Variants in LHX8 observed in about 807,000 individuals in gnomAD.
LHX8 encodes LIM homeobox 8.
A neutral mutation model predicts 40.3 loss-of-function variants in LHX8; 12 were observed. The observed-to-expected ratio is 0.30, with a 90% CI of 0.19 to 0.48. The LOEUF (loss-of-function observed/expected upper bound fraction) is 0.48, where lower values mean the gene tolerates loss of function less well. LHX8 is among the 20% of genes least tolerant of loss of function. The pLI is 0.99. For synonymous variants in LHX8, 179 were observed against 162.0 expected, an observed-to-expected ratio of 1.10 and a Z score of -0.80; for missense variants, 344 against 433.7, an observed-to-expected ratio of 0.79 and a Z score of 1.84.
the LHX8 span, among the ~76,000 whole-genome samples, chr1:75,185,894 A>G: frequency 2.0e-5 from 3 of 152,184 alleles, no homozygotes; most frequent in African/African-American, 7.2e-5. Flanking sequence ...ATTCCTATAC[A>G]CCAATAATAG....
chr1:75,132,883 G>A (rs986463269), upstream of LHX8: 2 of 151,994 alleles, frequency 1.3e-5, no homozygotes, highest in African/African-American at 4.8e-5. Context: ...TGTTCTGCAC[G>A]ACTCTGACTT....
At chr1:75,182,264 C>T in the LHX8 span, among the ~76,000 whole-genome samples, 2 of 152,068 alleles carry the variant, frequency 1.3e-5, no homozygotes. Context: ...ATGTCCTTTC[C>T]CCACTTTATG....
the LHX8 span, among the ~76,000 whole-genome samples, chr1:75,195,722 G>A: frequency 6.6e-6 from 1 of 151,596 alleles, no homozygotes. Flanking sequence ...AAACTCAAGG[G>A]TCAAAACATG....
chr1:75,181,231 C>T, the LHX8 span, among the ~76,000 whole-genome samples: 1 of 152,194 alleles, frequency 6.6e-6, no homozygotes, highest in Non-Finnish European at 1.5e-5. Flanking sequence ...GGGAGAACCA[C>T]TGCTCTCTTC....
chr1:75,143,134 TG>T lies in LHX8; in HGVS notation c.377del (p.Cys126SerfsTer62). 1 of 1,613,718 alleles carries T rather than the reference TG, an allele frequency of 6.2e-7. No homozygotes were observed. Among genetic ancestry groups the T allele is most frequent in the Non-Finnish European group, 8.5e-7 (1 of 1,179,686 alleles). ...LDYFRRYGTRCSRCGRHIHST... is the reference protein window; with the variant it reads ...LDYFRRYGTRXSRCGRHIHST... The stretch of plus-strand genomic sequence containing the variant: ...TTAATGTAGAAGGTATGGAACTCGC[TG>T]CTCTCGATGTGGGAGACACATCCAT... On this transcript the variant is annotated frameshift_variant, in exon 5 of 9. Transcript: ENST00000356261. LOFTEE classifies it high-confidence loss of function.
chr1:75,153,511 C>G (rs184155343), intron 7 of LHX8, among the ~76,000 whole-genome samples: 1 of 78,324 alleles, frequency 1.3e-5, no homozygotes, highest in Non-Finnish European at 2.9e-5. Context: ...CTCCTGGGCT[C>G]GAGTGATTCT....
In LHX8 at chr1:75,146,937, T is replaced by A. The variant is rs1433333020; in HGVS notation, c.685-1650T>A. On this transcript the variant is annotated intron_variant, in intron 6 of 8. Transcript: ENST00000356261. ...TTTTGTAAATTATTAATAATGACCT[T>A]ACAAAATCCCCAAATCTGTTCAACA... 3.3e-5 allele frequency among the ~76,000 whole-genome samples: 5 copies of A among 152,282 alleles called. No individual in the cohort carries two copies. The East Asian group carries it at 7.7e-4, about 23-fold the overall frequency.
chr1:75,188,563 A>T, the LHX8 span, among the ~76,000 whole-genome samples: 1 of 152,048 alleles, frequency 6.6e-6, no homozygotes, highest in African/African-American at 2.4e-5. Context: ...CCTCCCTTGG[A>T]ACTGCCTGTC....
Position 75,137,395 on chromosome 1 carries a change from C to T in LHX8, c.237+134C>T, listed in dbSNP as rs115098839. On this transcript the variant is annotated intron_variant, in intron 3 of 8. Coordinates refer to ENST00000356261, the MANE Select transcript of LHX8 (RefSeq NM_001256114.2). ...AAGGTTGTAGGCTTTTGCAGAAAAT[C>T]AGCCCAGTTTAGGGCAACTCATGCG... 4.9e-3 allele frequency: 4,394 copies of T among 898,416 alleles called. 52 individuals are homozygous for T. Among genetic ancestry groups the T allele is most frequent in the African/African-American group, 0.037 (2,226 of 60,104 alleles). 55.7% of individuals were successfully genotyped at this position (898,416 alleles called of 1,614,324 possible).
At chr1:75,137,333 G>C in intron 3 of LHX8, 72 bp downstream of exon 3, 1 of 1,462,756 alleles carries the variant, frequency 6.8e-7, no homozygotes, top group Non-Finnish European at 9.5e-7. Flanking sequence ...AAAGAGTAAT[G>C]TTCCTCCCAC....
intron 3 of LHX8, among the ~76,000 whole-genome samples, chr1:75,139,733 C>T (rs1648260256): frequency 6.6e-6 from 1 of 152,102 alleles, no homozygotes; most frequent in African/African-American, 2.4e-5. Context: ...TGAATGTCAT[C>T]AAAATGAGAC....
the LHX8 span, among the ~76,000 whole-genome samples, chr1:75,187,560 G>A: frequency 2.6e-5 from 4 of 152,120 alleles, no homozygotes; most frequent in African/African-American, 2.4e-5. Flanking sequence ...AGGGAAAGAG[G>A]CTCTGGTGGG....
intron 7 of LHX8, among the ~76,000 whole-genome samples, chr1:75,155,997 CTTTTTTTTT>C (rs200891522): frequency 1.5e-5 from 2 of 130,500 alleles, no homozygotes; most frequent in African/African-American, 5.6e-5. Flanking sequence ...ATTTAGTAGT[CTTTTTTTTT>C]TTTTTTTTAA....
At chr1:75,170,078 C>T in the LHX8 span, among the ~76,000 whole-genome samples, 2 of 152,198 alleles carry the variant, frequency 1.3e-5, no homozygotes, top group South Asian at 4.1e-4. Flanking sequence ...GGATTCTTAC[C>T]TCTATGCTAA....
At chr1:75,132,722 A>G (rs1648004933), upstream of LHX8, 1 of 151,816 alleles carries the variant, frequency 6.6e-6, no homozygotes, top group Admixed American at 6.6e-5. Context: ...CCTCGATAGT[A>G]GCCAGACAGT....
At chr1:75,144,183 A>G (rs570072552) in intron 6 of LHX8, among the ~76,000 whole-genome samples, 49 of 152,280 alleles carry the variant, frequency 3.2e-4, no homozygotes, top group Non-Finnish European at 4.4e-4. Context: ...CCTGGGGTCT[A>G]TTGGTATCAA....
chr1:75,139,837 A>G (rs1474696497), intron 3 of LHX8, among the ~76,000 whole-genome samples: 7 of 152,196 alleles, frequency 4.6e-5, no homozygotes, highest in Non-Finnish European at 8.8e-5. Flanking sequence ...GCAGAAAAAC[A>G]TGTTGGACCG....
intron 6 of LHX8, among the ~76,000 whole-genome samples, 190 bp from the exon 7 acceptor site, chr1:75,148,397 A>G (rs984408534): frequency 6.6e-6 from 1 of 152,238 alleles, no homozygotes; most frequent in Non-Finnish European, 1.5e-5. Flanking sequence ...AGTTCTCAGC[A>G]TAGCAACTTG....
chr1:75,148,778 A>G (rs565267285), intron 7 of LHX8, 96 bp downstream of exon 7: 6 of 842,632 alleles, frequency 7.1e-6, no homozygotes, highest in African/African-American at 3.4e-5. Context: ...CTTGAGCTTA[A>G]GTGATTCTCC....
Sources: allele counts gnomAD v4.1 joint callset (sites outside exome capture counted in the v4.1 genomes callset), GRCh38; gene constraint gnomAD v4.1.1; transcripts MANE v1.5; gene names NCBI Gene and HGNC (gene_info 2026-07-23, HGNC 2026-07-21).